Variants in PXDC1 observed in about 807,000 individuals in gnomAD.
The protein encoded by PXDC1 is PX domain containing 1.
In PXDC1, 13 loss-of-function variants were observed where a neutral mutation model predicts 24.4. The observed-to-expected ratio is 0.53, with a 90% CI of 0.35 to 0.85. PXDC1 has a LOEUF of 0.85. Ranked by LOEUF, PXDC1 falls within the 40% of genes least tolerant of loss-of-function variation. The probability of loss-of-function intolerance (pLI) is 0.01; values close to 1 mark genes in which losing one functional copy is unlikely to be tolerated. For missense variants in PXDC1, 344 were observed against 309.3 expected (o/e 1.11, Z -0.84); for synonymous variants, 162 against 124.9 (o/e 1.30, Z -1.98).
At chr6:3,732,225 C>G (rs1339404405) in intron 3 of PXDC1, among the ~76,000 whole-genome samples, 1 of 152,210 alleles carries the variant, frequency 6.6e-6, no homozygotes, top group African/African-American at 2.4e-5. Context: ...CTTTTCTCAG[C>G]AGACACGCGG....
intron 1 of PXDC1, among the ~76,000 whole-genome samples, chr6:3,740,694 C>G (rs1271244089): frequency 1.3e-5 from 2 of 152,190 alleles, no homozygotes; most frequent in Non-Finnish European, 2.9e-5. Flanking sequence ...CCTCGCTTCC[C>G]AACAGCCTCC....
chr6:3,730,744 G>A (rs367841873), intron 3 of PXDC1, among the ~76,000 whole-genome samples: 20 of 152,308 alleles, frequency 1.3e-4, no homozygotes, highest in African/African-American at 4.1e-4. Context: ...TCATTGCTAC[G>A]GGACCAGGGA....
chr6:3,750,006 A>G (rs1417858096), intron 1 of PXDC1, among the ~76,000 whole-genome samples: 2 of 152,200 alleles, frequency 1.3e-5, no homozygotes, highest in Non-Finnish European at 2.9e-5. Context: ...ATAACACCCA[A>G]CTGTCTGGAG....
chr6:3,738,899 T>G lies in PXDC1; in HGVS notation c.257-751A>C, dbSNP rs144359390. The G allele has an allele frequency of 2.3e-4, 294 of 1,302,632 alleles. 1 individual carries two copies. In the African/African-American group the frequency reaches 3.2e-3, roughly 14 times the overall value. The allele number at this position is 1,302,632 out of a possible 1,614,324, so 80.7% of individuals were successfully genotyped here. A position where few individuals can be genotyped will look rare whatever the true frequency, so the allele number is the denominator to read the frequency against. ...GTTCTATCCGTCGGCTTTGCAGGGA[T>G]GGGGAAGTAGGTGCCCAAGGACACT... is the stretch of plus-strand genomic sequence containing the variant. On this transcript the variant is annotated intron_variant, in intron 1 of 4. Coordinates refer to ENST00000380283, the MANE Select transcript of PXDC1 (RefSeq NM_183373.4).
intron 3 of PXDC1, among the ~76,000 whole-genome samples, chr6:3,733,078 T>C (rs1301181500): frequency 6.6e-6 from 1 of 152,210 alleles, no homozygotes; most frequent in Non-Finnish European, 1.5e-5. Flanking sequence ...AGGCTCTGAA[T>C]GCCCAGAATG....
intron 1 of PXDC1, among the ~76,000 whole-genome samples, chr6:3,744,003 G>A (rs1271462817): frequency 6.6e-6 from 1 of 152,278 alleles, no homozygotes. Context: ...CTCTGCAGCA[G>A]TGGCTGCCTT....
chr6:3,739,888 A>AG (rs1232644880), intron 1 of PXDC1, among the ~76,000 whole-genome samples: 2 of 152,236 alleles, frequency 1.3e-5, no homozygotes, highest in Non-Finnish European at 2.9e-5. Flanking sequence ...CTGCTTGCTC[A>AG]GGGAAGTCTA....
At chr6:3,745,310 A>C (rs1170410839) in intron 1 of PXDC1, among the ~76,000 whole-genome samples, 1 of 152,236 alleles carries the variant, frequency 6.6e-6, no homozygotes, top group Non-Finnish European at 1.5e-5. Context: ...ACTGTCATCA[A>C]GGGCACGTGG....
Position 3,750,958 on chromosome 6 carries a change from C to T in PXDC1, c.256+318G>A, listed in dbSNP as rs1454706693. On this transcript the variant is annotated intron_variant, in intron 1 of 4. Coordinates refer to ENST00000380283, the MANE Select transcript of PXDC1 (RefSeq NM_183373.4). Reference sequence around the variant, plus strand: ...CGGGCCGACCCTGTGAGCCGCTCAGCCCCGGGCGCCCCCGCCCTCCTCGGA... The same window carrying T: ...CGGGCCGACCCTGTGAGCCGCTCAGTCCCGGGCGCCCCCGCCCTCCTCGGA... Among the ~76,000 whole-genome samples the T allele has an allele frequency of 2.0e-5, 3 of 152,004 alleles. No homozygotes were observed. The South Asian group carries it at 6.2e-4, about 32-fold the overall frequency.
chr6:3,727,348 A>G (rs1163004904), intron 4 of PXDC1, among the ~76,000 whole-genome samples: 1 of 152,040 alleles, frequency 6.6e-6, no homozygotes, highest in East Asian at 1.9e-4. Flanking sequence ...AGAGCCAGCA[A>G]CTCCATCTTC....
Position 3,751,439 on chromosome 6 carries a change from C to G in PXDC1, c.93G>C (p.Arg31=). ...CGAAGAACTCCTCTTCGTCGCCGCG[C>G]CGGCTGACGATGAGCCTGCGGATGC... ...VNGIRRLIVS[R]RGDEEEFFEI... The change falls in exon 1 of 5, where the codon CGG becomes CGC. Residue 31 remains arginine, a synonymous_variant. Coordinates refer to ENST00000380283, the MANE Select transcript of PXDC1 (RefSeq NM_183373.4). The G allele has an allele frequency of 6.3e-7, 1 of 1,593,754 alleles. No individual in the cohort carries two copies. Among genetic ancestry groups the G allele is most frequent in the East Asian group, 2.3e-5 (1 of 43,942 alleles).
At chr6:3,739,122 G>A (rs72847739) in intron 1 of PXDC1, 1 of 1,172,590 alleles carries the variant, frequency 8.5e-7, no homozygotes, top group Non-Finnish European at 1.1e-6. Context: ...TTTTGCAGGG[G>A]AAAAGCCTGT....
intron 1 of PXDC1, among the ~76,000 whole-genome samples, chr6:3,750,407 C>A (rs778729566): frequency 1.3e-5 from 2 of 152,158 alleles, no homozygotes; most frequent in Non-Finnish European, 2.9e-5. Flanking sequence ...CCAGTCTTCC[C>A]GCCCCTTCTC....
Position 3,736,690 on chromosome 6 carries a change from C to T in PXDC1, c.466+389G>A, listed in dbSNP as rs928326725. ...AAGGAGACCTAAAGCCTGTGCGTCC[C>T]TTTGGTTATGGCTGCCCCTAAAAGC... On this transcript the variant is annotated intron_variant, in intron 3 of 4. Transcript: ENST00000380283. Among the ~76,000 whole-genome samples the T allele has an allele frequency of 2.6e-5, 4 of 152,306 alleles. No individual in the cohort carries two copies. In the East Asian group the frequency reaches 5.8e-4, roughly 22 times the overall value.
At chr6:3,726,892 G>A (rs1440625201) in intron 4 of PXDC1, among the ~76,000 whole-genome samples, 1 of 152,242 alleles carries the variant, frequency 6.6e-6, no homozygotes, top group Non-Finnish European at 1.5e-5. Context: ...GAAGGTAAGA[G>A]AAGTCAGGAA....
chr6:3,745,223 C>T (rs756593531), intron 1 of PXDC1, among the ~76,000 whole-genome samples: 4 of 152,234 alleles, frequency 2.6e-5, no homozygotes, highest in South Asian at 2.1e-4. Flanking sequence ...CAGAAGAGGG[C>T]GGGCACATGA....
At chr6:3,751,221 G>A (rs1021907264) in intron 1 of PXDC1, 55 bp downstream of exon 1, 53 of 1,294,720 alleles carry the variant, frequency 4.1e-5, no homozygotes, top group Non-Finnish European at 5.3e-5. Flanking sequence ...CGCCTCCTTC[G>A]TGCACTTCAA....
rs1480879333 is a variant in PXDC1 at position 3,737,243 on chromosome 6, T to C, written c.349-47A>G. The C allele has an allele frequency of 7.3e-7, 1 of 1,369,818 alleles. No homozygotes were observed. Among genetic ancestry groups the C allele is most frequent in the Non-Finnish European group, 1.0e-6 (1 of 958,986 alleles). 84.9% of individuals were successfully genotyped at this position (1,369,818 alleles called of 1,614,324 possible). On this transcript the variant is annotated intron_variant, in intron 2 of 4. Transcript: ENST00000380283. This position sits in a 1 kb window ranked among gnomAD's most constrained non-coding sequence, Gnocchi z 5.5. ...ACTAAAAACGATCAGCCTCTACACG[T>C]TGGCCCTGTCTGTCTACCAAGAGAG...
Position 3,723,608 on chromosome 6 carries a change from G to A in PXDC1, c.*11C>T. 6.3e-7 allele frequency: 1 copy of A among 1,596,718 alleles called. No homozygotes were observed. Among genetic ancestry groups the A allele is most frequent in the Non-Finnish European group, 8.6e-7 (1 of 1,164,322 alleles). On this transcript the variant is annotated 3_prime_UTR_variant, in exon 5 of 5. Coordinates refer to ENST00000380283, the MANE Select transcript of PXDC1 (RefSeq NM_183373.4). ...TGAACAGCTGAGGCGGGGGAGGCCT[G>A]ATAGAGAGGTTCAGTCCCAAATGTC...
Sources: gnomAD v4.1 joint callset for allele counts (sites outside exome capture counted in the v4.1 genomes callset) on GRCh38, gnomAD v4.1.1 for gene constraint, Gnocchi (gnomAD v3.1) non-coding constraint, MANE v1.5 for transcripts, NCBI Gene and HGNC (gene_info 2026-07-23, HGNC 2026-07-21) for gene names.